Variants in EDNRB observed in about 807,000 individuals in gnomAD.
The protein encoded by EDNRB is endothelin receptor type B, also known as Hirschsprung disease 2.
In EDNRB, 18 loss-of-function variants were observed where a neutral mutation model predicts 46.4. The ratio of observed to expected loss-of-function variants is 0.39; its 90% CI spans 0.27 to 0.57. EDNRB has a LOEUF of 0.57. EDNRB is among the 20% of genes least tolerant of loss of function. EDNRB has a pLI of 0.61. For synonymous variants in EDNRB, 213 were observed against 204.9 expected, an observed-to-expected ratio of 1.04 and a Z score of -0.34; for missense variants, 434 against 537.5, an observed-to-expected ratio of 0.81 and a Z score of 1.90.
At chr13:77,918,937 C>T, upstream of EDNRB, 1 of 1,175,066 alleles carries the variant, frequency 8.5e-7, no homozygotes, top group Non-Finnish European at 1.1e-6. This position sits in a 1 kb window ranked among gnomAD's most constrained non-coding sequence, Gnocchi z 4.5. Context: ...GCTCCGAACT[C>T]TTTCACGTAA....
upstream of EDNRB, among the ~76,000 whole-genome samples, chr13:77,921,016 T>C (rs944751262): frequency 3.9e-5 from 6 of 152,140 alleles, no homozygotes; most frequent in African/African-American, 1.4e-4. Flanking sequence ...TCTGCTCTAA[T>C]CCTCACTGAG....
chr13:77,899,996 GA>G, intron 5 of EDNRB, 29 bp from the exon 6 acceptor site: 1 of 1,572,436 alleles, frequency 6.4e-7, no homozygotes, highest in Non-Finnish European at 8.7e-7. Flanking sequence ...AAATGTGTCT[GA>G]AAAATATGCT....
chr13:77,955,845 G>GTATCTATCTATCTATCTAACTATC (rs1555294666), intron 1 of EDNRB, among the ~76,000 whole-genome samples: 72 of 145,738 alleles, frequency 4.9e-4, no homozygotes, highest in African/African-American at 1.8e-3. Flanking sequence ...ATGTGTGTGT[G>GTATCTATCTATCTATCTAACTATC]TATCTATCTA....
intron 1 of EDNRB, among the ~76,000 whole-genome samples, chr13:77,972,032 T>C (rs141583961): frequency 1.6e-4 from 25 of 152,332 alleles, no homozygotes; most frequent in Admixed American, 4.6e-4. Flanking sequence ...CTCCAAGGGA[T>C]GCTAAGTTGC....
chr13:77,962,421 A>G (rs1881451074), intron 1 of EDNRB, among the ~76,000 whole-genome samples: 1 of 152,124 alleles, frequency 6.6e-6, no homozygotes, highest in South Asian at 2.1e-4. Flanking sequence ...CACATGAAAA[A>G]CCTTATTGAC....
Position 77,918,420 on chromosome 13 carries a change from T to G in EDNRB, c.154A>C (p.Thr52Pro). ...GCGTTGGAACCCTTGGGCCATAAGG[T>G]CTTAGTGGGTGGCGTCATTATCTCT... The part of the protein sequence containing the change: ...TAEIMTPPTK[T>P]LWPKGSNASL... The change falls in exon 1 of 7, where the codon ACC (threonine) becomes CCC (proline). Residue 52 changes from threonine to proline, a missense_variant. Transcript: ENST00000646607. The surrounding 1 kb of genome is among the most constrained non-coding windows in gnomAD (Gnocchi z 4.5). 5 of 1,579,904 alleles carry G rather than the reference T, an allele frequency of 3.2e-6. No homozygotes were observed. The South Asian group carries it at 5.9e-5, about 19-fold the overall frequency.
chr13:77,918,630 G>A lies in EDNRB; in HGVS notation c.-57C>T. The A allele has an allele frequency of 6.5e-7, 1 of 1,533,372 alleles. No individual in the cohort carries two copies. Among genetic ancestry groups the A allele is most frequent in the Non-Finnish European group, 8.7e-7 (1 of 1,153,830 alleles). The allele number at this position is 1,533,372 out of a possible 1,614,324, so 95.0% of individuals were successfully genotyped here. ...CCGCTCCGCAGTTTCAGAGCCTAGA[G>A]ACAAGCAGAGGAAGGAAGACAGGAC... is the stretch of plus-strand genomic sequence containing the variant. On this transcript the variant is annotated 5_prime_UTR_variant, in exon 1 of 7. Transcript: ENST00000646607. The surrounding 1 kb of genome is among the most constrained non-coding windows in gnomAD (Gnocchi z 4.5).
At chr13:77,971,776 G>C (rs1297908996) in intron 1 of EDNRB, among the ~76,000 whole-genome samples, 1 of 152,166 alleles carries the variant, frequency 6.6e-6, no homozygotes, top group East Asian at 1.9e-4. Context: ...ATAGATGTGA[G>C]AGTTGAAAGA....
intron 1 of EDNRB, among the ~76,000 whole-genome samples, chr13:77,971,067 A>G (rs1881713661): frequency 6.6e-6 from 1 of 152,188 alleles, no homozygotes; most frequent in African/African-American, 2.4e-5. Flanking sequence ...CCATCCACGT[A>G]TAACTCTCAG....
intron 1 of EDNRB, among the ~76,000 whole-genome samples, chr13:77,929,722 G>A (rs1423018803): frequency 6.6e-6 from 1 of 152,148 alleles, no homozygotes; most frequent in African/African-American, 2.4e-5. Context: ...AAGGAGTCTG[G>A]GAAAGAGGAG....
chr13:77,926,252 A>G (rs1209393068), intron 1 of EDNRB, among the ~76,000 whole-genome samples: 1 of 152,200 alleles, frequency 6.6e-6, no homozygotes, highest in Non-Finnish European at 1.5e-5. Context: ...TCCTCAAAAA[A>G]TGGAGGAGAA....
At chr13:77,933,069 T>G (rs926494714) in intron 1 of EDNRB, among the ~76,000 whole-genome samples, 18 of 152,218 alleles carry the variant, frequency 1.2e-4, no homozygotes, top group African/African-American at 3.9e-4. Context: ...TATTTTGAAA[T>G]CTCTGCAAAT....
intron 1 of EDNRB, among the ~76,000 whole-genome samples, chr13:77,962,054 C>A (rs548770633): frequency 2.0e-5 from 3 of 152,100 alleles, no homozygotes; most frequent in African/African-American, 4.8e-5. Context: ...TTCCTGGACA[C>A]GTACACCCTC....
chr13:77,973,259 G>A (rs901065508), intron 1 of EDNRB, among the ~76,000 whole-genome samples: 4 of 152,044 alleles, frequency 2.6e-5, no homozygotes, highest in Non-Finnish European at 5.9e-5. Flanking sequence ...AATGCTTCCT[G>A]TATGATTTTT....
intron 3 of EDNRB, 69 bp from the exon 4 acceptor site, chr13:77,901,276 A>T (rs974099624): frequency 1.3e-6 from 2 of 1,533,506 alleles, no homozygotes; most frequent in Non-Finnish European, 1.8e-6. Context: ...CAAATGTTAA[A>T]CTTAAAAAAA....
At chr13:77,957,808 T>A (rs1253264121) in intron 1 of EDNRB, among the ~76,000 whole-genome samples, 1 of 152,224 alleles carries the variant, frequency 6.6e-6, no homozygotes, top group African/African-American at 2.4e-5. Flanking sequence ...TTCACGACTT[T>A]GGGTAATTTT....
intron 3 of EDNRB, among the ~76,000 whole-genome samples, chr13:77,901,447 C>T (rs1394286841): frequency 6.6e-6 from 1 of 151,968 alleles, no homozygotes; most frequent in Non-Finnish European, 1.5e-5. Flanking sequence ...TAAGCATGCA[C>T]AAAAACTTAA....
chr13:77,916,707 A>G (rs1345505520), intron 1 of EDNRB, among the ~76,000 whole-genome samples: 1 of 152,210 alleles, frequency 6.6e-6, no homozygotes, highest in African/African-American at 2.4e-5. Flanking sequence ...ACATTTCCCA[A>G]CTTTACATTC....
chr13:77,952,765 A>G (rs539778383), intron 1 of EDNRB, among the ~76,000 whole-genome samples: 2 of 152,308 alleles, frequency 1.3e-5, no homozygotes, highest in South Asian at 2.1e-4. Flanking sequence ...GATGTTGTTT[A>G]TCCTATCAAG....
Sources: gnomAD v4.1 joint callset for allele counts (sites outside exome capture counted in the v4.1 genomes callset) on GRCh38, gnomAD v4.1.1 for gene constraint, Gnocchi (gnomAD v3.1) non-coding constraint, MANE v1.5 for transcripts, NCBI Gene and HGNC (gene_info 2026-07-23, HGNC 2026-07-21) for gene names.